The following LTBP2 variants were observed in gnomAD, a reference collection of about 807,000 sequenced individuals.
LTBP2 encodes latent transforming growth factor beta binding protein 2.
Under a neutral mutation model 210.6 loss-of-function variants are expected in LTBP2, and 103 were observed. The ratio of observed to expected loss-of-function variants is 0.49; its 90% CI spans 0.42 to 0.58. LTBP2 has a LOEUF of 0.58. Ranked by LOEUF, LTBP2 falls within the 20% of genes least tolerant of loss-of-function variation. The probability of loss-of-function intolerance (pLI) is 0.00; values close to 1 mark genes in which losing one functional copy is unlikely to be tolerated. For missense variants in LTBP2, 2,313 were observed against 2,494.5 expected, an observed-to-expected ratio of 0.93 and a Z score of 1.55; for synonymous variants, 1,007 against 1,015.0, an observed-to-expected ratio of 0.99 and a Z score of 0.15.
intron 3 of LTBP2, among the ~76,000 whole-genome samples, chr14:74,563,963 C>T (rs940740970): frequency 2.9e-4 from 37 of 129,128 alleles, no homozygotes; most frequent in South Asian, 2.3e-4. Context: ...TGGTTACCTA[C>T]GTATGTGGCA....
chr14:74,508,806 A>C, intron 23 of LTBP2, 24 bp downstream of exon 23: 2 of 1,613,190 alleles, frequency 1.2e-6, no homozygotes, highest in Non-Finnish European at 1.7e-6. Flanking sequence ...CCCCACCCCC[A>C]GTAGGGTGAC....
intron 8 of LTBP2, among the ~76,000 whole-genome samples, chr14:74,542,541 A>T (rs1160615844): frequency 2.0e-5 from 3 of 152,208 alleles, no homozygotes; most frequent in African/African-American, 7.2e-5. Flanking sequence ...CTGCCCAGGG[A>T]CAGACACATA....
intron 18 of LTBP2, among the ~76,000 whole-genome samples, chr14:74,512,388 C>A (rs2087082417): frequency 6.6e-6 from 1 of 152,178 alleles, no homozygotes; most frequent in African/African-American, 2.4e-5. Context: ...TATTTAGAGG[C>A]TCTACTGCCC....
chr14:74,611,598 T>C lies in LTBP2; in HGVS notation c.347A>G (p.Gln116Arg). 1 of 1,570,500 alleles carries C rather than the reference T, an allele frequency of 6.4e-7. No individual in the cohort carries two copies. The highest frequency in any genetic ancestry group is 8.6e-7 in the Non-Finnish European group (1 of 1,164,542). The change falls in exon 1 of 36, where the codon CAG becomes CGG. Residue 116 changes from glutamine to arginine, a missense_variant. By Grantham distance (43) the Gln-to-Arg change is conservative. Coordinates refer to ENST00000261978, the MANE Select transcript of LTBP2 (RefSeq NM_000428.3). ...GCTTCTCCGGGTCTGCGCAGGTGGC[T>C]GGACACGCCGCGACTGCTGCGCGCG... ...PSRAQQSRRV[Q>R]PPAQTRRSTP...
chr14:74,512,127 C>T lies in LTBP2; in HGVS notation c.2909-763G>A, dbSNP rs530863336. 2.9e-3 allele frequency among the ~76,000 whole-genome samples: 449 copies of T among 152,282 alleles called. 1 individual carries two copies. The highest frequency in any genetic ancestry group is 3.4e-3 in the Non-Finnish European group (230 of 68,026). ...CCCGGAGCCGAGGAGAGGGCTCTTC[C>T]CCGACATAACCTGGCATATCATGGG... On this transcript the variant is annotated intron_variant, in intron 18 of 35. Coordinates refer to ENST00000261978, the MANE Select transcript of LTBP2 (RefSeq NM_000428.3).
chr14:74,575,635 A>G (rs10146172), intron 3 of LTBP2, among the ~76,000 whole-genome samples: 16,054 of 152,238 alleles, frequency 0.11, 1,360 homozygotes, highest in African/African-American at 0.23. Flanking sequence ...TCTCTGCTGG[A>G]CAGGGATGCA....
chr14:74,574,628 C>A (rs2088031470), intron 3 of LTBP2, among the ~76,000 whole-genome samples: 1 of 152,152 alleles, frequency 6.6e-6, no homozygotes, highest in Admixed American at 6.5e-5. Flanking sequence ...TTCCCCATCA[C>A]CGAACTGTAG....
At chr14:74,595,368 G>A (rs2088345574) in intron 2 of LTBP2, among the ~76,000 whole-genome samples, 1 of 152,236 alleles carries the variant, frequency 6.6e-6, no homozygotes, top group Non-Finnish European at 1.5e-5. Context: ...ATGGCCCAGG[G>A]CTGAGAGGCC....
chr14:74,507,894 C>A (rs1267545260), intron 25 of LTBP2, 79 bp downstream of exon 25: 2 of 1,595,978 alleles, frequency 1.3e-6, no homozygotes, highest in Admixed American at 1.7e-5. Flanking sequence ...GTGCTCTGCT[C>A]CATGGGAGCT....
rs763812721 is a variant in LTBP2, at chr14:74,503,470, C to A, written c.4719G>T (p.Thr1573=). Residue 1573 remains threonine (T), a splice_region_variant and synonymous_variant, in exon 32 of 36, where the codon ACG becomes ACT. Coordinates refer to ENST00000261978, the MANE Select transcript of LTBP2 (RefSeq NM_000428.3). ...QQRCMNSTSS[T]EDLPDHDIHM... ...TCCCCCACGCTCAGGCCCACTCACC[C>A]GTGCTGCTGGTGCTGTTCATGCAGC... The A allele has an allele frequency of 1.2e-6, 2 of 1,610,904 alleles. No homozygotes were observed. Among genetic ancestry groups the A allele is most frequent in the South Asian group, 2.2e-5 (2 of 90,712 alleles).
Position 74,509,150 on chromosome 14 carries a change from C to G in LTBP2, c.3403+88G>C, listed in dbSNP as rs1377855953. 4 of 1,602,626 alleles carry G rather than the reference C, an allele frequency of 2.5e-6. No homozygotes were observed. In the East Asian group the frequency reaches 6.7e-5, roughly 27 times the overall value. On this transcript the variant is annotated intron_variant, in intron 22 of 35. Coordinates refer to ENST00000261978, the MANE Select transcript of LTBP2 (RefSeq NM_000428.3). Reference sequence around the variant, plus strand: ...GCGGGATGATGGCAGCTCCTCCAGCCTCAGCAGCCCCCCACCTGCTGGGCT... The same window carrying G: ...GCGGGATGATGGCAGCTCCTCCAGCGTCAGCAGCCCCCCACCTGCTGGGCT...
chr14:74,507,230 C>T lies in LTBP2; in HGVS notation c.3856G>A (p.Val1286Ile), dbSNP rs750097225. ...TGGAAGCCAGGCTGGCAGCCCAGAA[C>T]ACAGCGGTAGGAGCCAGGGCTGTTT... Reference protein sequence around the residue: ...CENSPGSYRCVLGCQPGFHMA... With the variant: ...CENSPGSYRCILGCQPGFHMA... Residue 1286 changes from valine to isoleucine, a missense_variant, in exon 26 of 36, where the codon GTT becomes ATT. By Grantham distance (29) the Val-to-Ile change is conservative. Coordinates refer to ENST00000261978, the MANE Select transcript of LTBP2 (RefSeq NM_000428.3). The T allele has an allele frequency of 6.2e-7, 1 of 1,614,220 alleles. No individual in the cohort carries two copies.
Position 74,501,549 on chromosome 14 carries a change from C to T in LTBP2, c.5212G>A (p.Gly1738Ser), listed in dbSNP as rs760878019. 33 of 1,614,034 alleles carry T rather than the reference C, an allele frequency of 2.0e-5. No homozygotes were observed. Among genetic ancestry groups the T allele is most frequent in the African/African-American group, 9.3e-5 (7 of 74,928 alleles). Residue 1738 changes from glycine (G) to serine (S), a missense_variant, in exon 35 of 36, where the codon GGC (glycine) becomes AGC (serine). This residue lies in a region of LTBP2 where 443 missense variants were observed against 501.4 expected (regional missense o/e 0.88). Coordinates refer to ENST00000261978, the MANE Select transcript of LTBP2 (RefSeq NM_000428.3). ...CCATTCTCACAGCCGTTCAGGATGCCGCACTCCTCCGCCTGAAGCCCTTCG... is the reference window on the plus strand; with the variant it reads ...CCATTCTCACAGCCGTTCAGGATGCTGCACTCCTCCGCCTGAAGCCCTTCG... Reference protein sequence around the residue: ...GFEGLQAEECGILNGCENGRC... With the variant: ...GFEGLQAEECSILNGCENGRC...
chr14:74,503,983 A>G lies in LTBP2; in HGVS notation c.4525T>C (p.Tyr1509His). The change falls in exon 31 of 36, where the codon TAT becomes CAT. Residue 1509 changes from tyrosine (Y) to histidine (H), a missense_variant. Around this residue, in one of 3 missense-constraint regions of LTBP2, gnomAD observed 443 missense variants for 501.4 expected, o/e 0.88. Coordinates refer to ENST00000261978, the MANE Select transcript of LTBP2 (RefSeq NM_000428.3). ...NGRCLNTVPG[Y>H]VCLCNPGFHY... is the part of the protein sequence containing the mutation. ...AAGCCGGGATTGCACAGGCAGACAT[A>G]ACCAGGCACGGTGTTGAGGCACCGG... The G allele has an allele frequency of 6.2e-7, 1 of 1,614,148 alleles. No homozygotes were observed. Among genetic ancestry groups the G allele is most frequent in the Non-Finnish European group, 8.5e-7 (1 of 1,180,032 alleles).
chr14:74,540,833 A>ATTTG (rs1566629967), intron 8 of LTBP2, among the ~76,000 whole-genome samples: 1 of 28,870 alleles, frequency 3.5e-5, no homozygotes. Context: ...TTTATATAAT[A>ATTTG]TATATTTATA....
Position 74,555,635 on chromosome 14 carries a change from T to A in LTBP2, c.889A>T (p.Thr297Ser). The A allele has an allele frequency of 6.3e-7, 1 of 1,599,098 alleles. No individual in the cohort carries two copies. Among genetic ancestry groups the A allele is most frequent in the Non-Finnish European group, 8.5e-7 (1 of 1,170,112 alleles). The change falls in exon 4 of 36, where the codon ACT becomes TCT. Residue 297 changes from threonine (T) to serine (S), a missense_variant. Around this residue, in one of 3 missense-constraint regions of LTBP2, gnomAD observed 1,867 missense variants for 1,976.9 expected, o/e 0.94. Transcript: ENST00000261978. ...GTGGCAGTCGGGTGAAGTCGGACAG[T>A]GCGGGACAACCCCACGTGCTGCTGG... The part of the protein sequence containing the change: ...PSQQHVGLSR[T>S]VRLHPTATAS...
In LTBP2 at chr14:74,551,244, T is replaced by G. The variant is rs1417715197; in HGVS notation, c.1506A>C (p.Leu502=). 2.5e-6 allele frequency: 4 copies of G among 1,612,558 alleles called. No homozygotes were observed. In the South Asian group the frequency reaches 4.4e-5, roughly 18 times the overall value. ...GTCTGGTCTCCACGCTGTTCTCCAC[T>G]AGGGCCTCCTCCACCCCGCCCCGCA... The part of the protein sequence containing the change: ...AQVRGGVEEA[L]VENSVETRPP... Residue 502 remains leucine (L), a synonymous_variant, in exon 7 of 36, where the codon CTA becomes CTC. Transcript: ENST00000261978.
At chr14:74,510,894 G>A (rs1310541379) in intron 19 of LTBP2, among the ~76,000 whole-genome samples, 1 of 152,266 alleles carries the variant, frequency 6.6e-6, no homozygotes, top group Non-Finnish European at 1.5e-5. Context: ...AGATGCAGAA[G>A]AGCAGGAGAC....
At chr14:74,530,675 C>T (rs563379416) in intron 10 of LTBP2, among the ~76,000 whole-genome samples, 11 of 152,296 alleles carry the variant, frequency 7.2e-5, no homozygotes, top group Admixed American at 3.9e-4. Flanking sequence ...ACCACCACGC[C>T]TGGCTAATTT....
Sources: gnomAD v4.1 joint callset for allele counts (sites outside exome capture counted in the v4.1 genomes callset) on GRCh38, gnomAD v4.1.1 for gene constraint, gnomAD v4.1.1 regional missense constraint, MANE v1.5 for transcripts, NCBI Gene and HGNC (gene_info 2026-07-23, HGNC 2026-07-21) for gene names.